The following NIPAL2 variants were observed in gnomAD, a reference collection of about 807,000 sequenced individuals.
The protein encoded by NIPAL2 is NIPA-like protein 2.
Under a neutral mutation model 48.9 loss-of-function variants are expected in NIPAL2, and 43 were observed. The ratio of observed to expected loss-of-function variants is 0.88; its 90% CI spans 0.69 to 1.13. The LOEUF (loss-of-function observed/expected upper bound fraction) is 1.13. Ranked by LOEUF, NIPAL2 falls within the 50% of genes most tolerant of loss-of-function variation. NIPAL2 has a pLI of 0.00. For missense variants in NIPAL2, 446 were observed against 461.4 expected (o/e 0.97, Z 0.31); for synonymous variants, 167 against 174.6 (o/e 0.96, Z 0.34).
intron 2 of NIPAL2, among the ~76,000 whole-genome samples, chr8:98,253,422 A>G (rs1024187385): frequency 1.3e-5 from 2 of 152,238 alleles, no homozygotes; most frequent in Non-Finnish European, 2.9e-5. Flanking sequence ...GTGATTCATG[A>G]AATGATTTAA....
At chr8:98,246,843 C>T (rs1261974036) in intron 3 of NIPAL2, among the ~76,000 whole-genome samples, 1 of 152,132 alleles carries the variant, frequency 6.6e-6, no homozygotes, top group African/African-American at 2.4e-5. Flanking sequence ...CAATGATCTC[C>T]CTCCATATCC....
chr8:98,274,968 A>AT (rs1815374547), intron 1 of NIPAL2, among the ~76,000 whole-genome samples: 1 of 151,980 alleles, frequency 6.6e-6, no homozygotes, highest in African/African-American at 2.4e-5. Flanking sequence ...AAGTACTGCT[A>AT]TTTTTTTAAA....
At chr8:98,239,053 C>T (rs1438697240) in intron 3 of NIPAL2, among the ~76,000 whole-genome samples, 1 of 152,104 alleles carries the variant, frequency 6.6e-6, no homozygotes, top group African/African-American at 2.4e-5. Flanking sequence ...TGAAGTGTCG[C>T]TACATTAACA....
intron 5 of NIPAL2, among the ~76,000 whole-genome samples, chr8:98,221,540 T>A (rs1811882263): frequency 6.6e-6 from 1 of 152,100 alleles, no homozygotes; most frequent in South Asian, 2.1e-4. Flanking sequence ...TCTACATCTA[T>A]CAAGTTTTTT....
rs1810232148 is a variant in NIPAL2, at chr8:98,189,833, T to C, written c.*3145A>G. ...GGAAGAATACATTCTGGGTCACTGC[T>C]TGAGAAATTTTTTTATTGTATTTGT... On this transcript the variant is annotated 3_prime_UTR_variant, in exon 11 of 11. Coordinates refer to ENST00000430223, the MANE Select transcript of NIPAL2 (RefSeq NM_001321635.2). 1 of 152,222 alleles carries C rather than the reference T, an allele frequency of 6.6e-6. No individual in the cohort carries two copies. Among genetic ancestry groups the C allele is most frequent in the Non-Finnish European group, 1.5e-5 (1 of 68,042 alleles). The allele number at this position is 152,222 out of a possible 1,614,324, so 9.4% of individuals were successfully genotyped here.
intron 4 of NIPAL2, among the ~76,000 whole-genome samples, chr8:98,224,421 T>C (rs773995353): frequency 1.3e-5 from 2 of 151,488 alleles, no homozygotes; most frequent in Admixed American, 1.3e-4. Flanking sequence ...TTGGAGGACA[T>C]TTCACATCAG....
chr8:98,217,156 G>A, intron 5 of NIPAL2: 1 of 985,440 alleles, frequency 1.0e-6, no homozygotes, highest in Non-Finnish European at 1.2e-6. Flanking sequence ...TTCTTCTCTG[G>A]CTGGTATACA....
At chr8:98,283,489 C>G (rs1288650400) in intron 1 of NIPAL2, among the ~76,000 whole-genome samples, 3 of 152,150 alleles carry the variant, frequency 2.0e-5, no homozygotes, top group Non-Finnish European at 4.4e-5. Flanking sequence ...ATGCTGAACA[C>G]AAAGAATGCC....
At chr8:98,290,351 A>C (rs1391071633) in intron 1 of NIPAL2, among the ~76,000 whole-genome samples, 1 of 152,222 alleles carries the variant, frequency 6.6e-6, no homozygotes, top group Non-Finnish European at 1.5e-5. Context: ...GTTTCATCTC[A>C]CCCTATGCAG....
chr8:98,227,683 G>T (rs923737250), intron 4 of NIPAL2, among the ~76,000 whole-genome samples: 2 of 152,140 alleles, frequency 1.3e-5, no homozygotes, highest in African/African-American at 4.8e-5. Context: ...AAGAAAGGAG[G>T]CTCTCCCAGA....
chr8:98,259,873 C>T lies in NIPAL2; in HGVS notation c.136-5786G>A, dbSNP rs563740102. Among the ~76,000 whole-genome samples, 3 of 152,324 alleles carry T rather than the reference C, an allele frequency of 2.0e-5. No individual in the cohort carries two copies. The South Asian group carries it at 6.2e-4, about 32-fold the overall frequency. ...AGCTGGCTGCAGAGGCATGAATGAACCCAGGTGGACTCAGCCAAGTCTGAC... is the reference window on the plus strand; with the variant it reads ...AGCTGGCTGCAGAGGCATGAATGAATCCAGGTGGACTCAGCCAAGTCTGAC... On this transcript the variant is annotated intron_variant, in intron 1 of 10. Coordinates refer to ENST00000430223, the MANE Select transcript of NIPAL2 (RefSeq NM_001321635.2).
chr8:98,224,180 A>G (rs1200517648), intron 4 of NIPAL2, among the ~76,000 whole-genome samples: 2 of 152,196 alleles, frequency 1.3e-5, no homozygotes, highest in Non-Finnish European at 2.9e-5. Flanking sequence ...GTATATGGCA[A>G]AATTCCAACA....
chr8:98,254,518 T>C (rs1328810322), intron 1 of NIPAL2, among the ~76,000 whole-genome samples: 1 of 152,184 alleles, frequency 6.6e-6, no homozygotes, highest in East Asian at 1.9e-4. Context: ...TCTAACTGGG[T>C]GACCTTTTGA....
intron 1 of NIPAL2, among the ~76,000 whole-genome samples, chr8:98,260,625 C>T (rs1425762086): frequency 6.6e-6 from 1 of 151,864 alleles, no homozygotes; most frequent in African/African-American, 2.4e-5. Flanking sequence ...CTCGGAGGGT[C>T]CTACGCCCAC....
intron 1 of NIPAL2, among the ~76,000 whole-genome samples, chr8:98,256,010 A>G (rs530883947): frequency 6.6e-6 from 1 of 152,222 alleles, no homozygotes; most frequent in South Asian, 2.1e-4. Flanking sequence ...CTTCATCAAG[A>G]TTAAAAACTT....
chr8:98,251,234 C>G (rs1427100646), intron 3 of NIPAL2, among the ~76,000 whole-genome samples: 1 of 152,054 alleles, frequency 6.6e-6, no homozygotes, highest in Admixed American at 6.6e-5. Flanking sequence ...ATGACATACA[C>G]TGTCATTATG....
intron 6 of NIPAL2, among the ~76,000 whole-genome samples, 175 bp downstream of exon 6, chr8:98,212,230 T>C (rs973353018): frequency 6.6e-6 from 1 of 152,198 alleles, no homozygotes; most frequent in Non-Finnish European, 1.5e-5. Flanking sequence ...TCAATTGCAG[T>C]AATGGACAGG....
intron 1 of NIPAL2, among the ~76,000 whole-genome samples, chr8:98,260,938 G>A (rs1343609497): frequency 6.7e-5 from 10 of 149,476 alleles, no homozygotes; most frequent in Admixed American, 2.7e-4. Flanking sequence ...ATCTGAGAAC[G>A]GGCAGACTGC....
rs1424569271 is a variant in NIPAL2 at position 98,191,074 on chromosome 8, C to T, written c.*1904G>A. Reference sequence around the variant, plus strand: ...ATGTGCATAAGTCAATGTCATTTCTCAAAACGTTTAATAGATGCAACTGTT... The same window carrying T: ...ATGTGCATAAGTCAATGTCATTTCTTAAAACGTTTAATAGATGCAACTGTT... On this transcript the variant is annotated 3_prime_UTR_variant, in exon 11 of 11. Coordinates refer to ENST00000430223, the MANE Select transcript of NIPAL2 (RefSeq NM_001321635.2). 1 of 152,196 alleles carries T rather than the reference C, an allele frequency of 6.6e-6. No homozygotes were observed. Among genetic ancestry groups the T allele is most frequent in the African/African-American group, 2.4e-5 (1 of 41,448 alleles). The allele number at this position is 152,196 out of a possible 1,614,324, so 9.4% of individuals were successfully genotyped here.
Sources: allele counts gnomAD v4.1 joint callset (sites outside exome capture counted in the v4.1 genomes callset), GRCh38; gene constraint gnomAD v4.1.1; transcripts MANE v1.5; gene names NCBI Gene and HGNC (gene_info 2026-07-23, HGNC 2026-07-21).